The following NDST3 variants were observed in gnomAD, a reference collection of about 807,000 sequenced individuals.
NDST3 encodes N-deacetylase and N-sulfotransferase 3.
In NDST3, 58 loss-of-function variants were observed where a neutral mutation model predicts 96.1. That is an observed-to-expected ratio of 0.60 (90% CI 0.49 to 0.75). NDST3 has a LOEUF of 0.75. Among genes scored for constraint, NDST3 ranks in the 30% least tolerant of loss-of-function variants. NDST3 has a pLI of 0.00. For missense variants in NDST3, 788 were observed against 1,034.2 expected (o/e 0.76, Z 3.27); for synonymous variants, 333 against 359.7 (o/e 0.93, Z 0.84).
intron 12 of NDST3, among the ~76,000 whole-genome samples, chr4:118,242,703 T>C (rs1458929727): frequency 1.6e-4 from 25 of 152,172 alleles, no homozygotes; most frequent in Admixed American, 1.6e-3. Context: ...TGCTTCAGAG[T>C]CCTCAGCAGT....
chr4:118,170,367 G>T (rs62326151), intron 6 of NDST3, among the ~76,000 whole-genome samples: 27,692 of 152,044 alleles, frequency 0.18, 2,660 homozygotes, highest in South Asian at 0.23. Flanking sequence ...TTTAATGGCA[G>T]TGTCTTGATA....
chr4:118,104,924 T>A (rs1730046611), intron 2 of NDST3, 94 bp from the exon 3 acceptor site: 3 of 918,170 alleles, frequency 3.3e-6, no homozygotes, highest in African/African-American at 1.7e-5. Flanking sequence ...TATAAGGAAC[T>A]GGTTTTATCC....
chr4:118,097,889 G>A (rs192187291), intron 2 of NDST3, among the ~76,000 whole-genome samples: 49 of 151,182 alleles, frequency 3.2e-4, no homozygotes, highest in African/African-American at 1.2e-3. Flanking sequence ...TTTCCCTTCT[G>A]TTCTTGACAT....
intron 4 of NDST3, among the ~76,000 whole-genome samples, chr4:118,118,789 T>G (rs924994769): frequency 2.0e-5 from 3 of 152,136 alleles, no homozygotes; most frequent in African/African-American, 7.2e-5. Flanking sequence ...ATTAAATGTA[T>G]CATTAATAAT....
chr4:118,090,718 C>A (rs1304756827), intron 2 of NDST3, among the ~76,000 whole-genome samples: 1 of 151,762 alleles, frequency 6.6e-6, no homozygotes, highest in Non-Finnish European at 1.5e-5. Flanking sequence ...AAAAAAGGAG[C>A]TATTTCTTCT....
intron 4 of NDST3, among the ~76,000 whole-genome samples, chr4:118,130,263 T>G (rs1295808512): frequency 6.6e-6 from 1 of 152,048 alleles, no homozygotes; most frequent in East Asian, 1.9e-4. Flanking sequence ...GTCGTCTCTC[T>G]TTTCTTTTCT....
At chr4:118,133,378 G>A (rs1732798905) in intron 4 of NDST3, among the ~76,000 whole-genome samples, 1 of 151,772 alleles carries the variant, frequency 6.6e-6, no homozygotes, top group African/African-American at 2.4e-5. Flanking sequence ...AAGTCCCCCT[G>A]TCACTGTGCT....
At chr4:118,202,779 C>T (rs1738178238) in intron 6 of NDST3, among the ~76,000 whole-genome samples, 1 of 152,124 alleles carries the variant, frequency 6.6e-6, no homozygotes, top group Non-Finnish European at 1.5e-5. Flanking sequence ...AGTTTGACTT[C>T]CTTTCCTATT....
chr4:118,124,856 A>G (rs1183390818), intron 4 of NDST3, among the ~76,000 whole-genome samples: 3 of 152,072 alleles, frequency 2.0e-5, no homozygotes, highest in African/African-American at 4.8e-5. Context: ...ACTTTTATCC[A>G]AAGACTTTTG....
Position 118,083,480 on chromosome 4 carries a change from A to G in NDST3, c.982-21538A>G, listed in dbSNP as rs186064982. ...AAGTGTTCATTTCTCCATAAATGTT[A>G]ATTTTAATTAGAATTAATTGTCAGT... On this transcript the variant is annotated intron_variant, in intron 2 of 13. Coordinates refer to ENST00000296499, the MANE Select transcript of NDST3 (RefSeq NM_004784.3). Among the ~76,000 whole-genome samples the G allele has an allele frequency of 4.3e-4, 65 of 152,254 alleles. 1 individual carries two copies. Among genetic ancestry groups the G allele is most frequent in the Admixed American group, 4.2e-3 (64 of 15,266 alleles).
intron 6 of NDST3, among the ~76,000 whole-genome samples, chr4:118,193,189 T>C (rs892747514): frequency 1.3e-5 from 2 of 152,020 alleles, no homozygotes; most frequent in Admixed American, 6.5e-5. Context: ...TCATGTGCAA[T>C]GGGGGAAGGG....
intron 1 of NDST3, among the ~76,000 whole-genome samples, chr4:118,043,621 A>G (rs1046416439): frequency 6.6e-6 from 1 of 152,206 alleles, no homozygotes; most frequent in African/African-American, 2.4e-5. Context: ...GCTCAGGTGA[A>G]GTCTGTAACT....
At chr4:118,173,270 G>C (rs1218846375) in intron 6 of NDST3, among the ~76,000 whole-genome samples, 1 of 152,064 alleles carries the variant, frequency 6.6e-6, no homozygotes, top group African/African-American at 2.4e-5. Flanking sequence ...GTTCAAAGAA[G>C]TTGCATAATT....
At chr4:118,233,181 A>C in intron 9 of NDST3, 46 bp downstream of exon 9, 2 of 1,448,720 alleles carry the variant, frequency 1.4e-6, no homozygotes, top group South Asian at 3.0e-5. Context: ...TGTACTGTGC[A>C]CAGTATAAAC....
At chr4:118,143,491 C>CT (rs1285151410) in intron 5 of NDST3, 65 bp from the exon 6 acceptor site, 30 of 1,542,284 alleles carry the variant, frequency 1.9e-5, no homozygotes, top group Non-Finnish European at 2.5e-5. Context: ...GAGCAAAAAG[C>CT]TAAGTTTCAA....
chr4:118,242,285 GA>G lies in NDST3; in HGVS notation c.2399+146del, dbSNP rs373874137. 1,809 of 468,562 alleles carry G rather than the reference GA, an allele frequency of 3.9e-3. 14 individuals carry two copies. Among genetic ancestry groups the G allele is most frequent in the African/African-American group, 0.028 (1,361 of 49,102 alleles). The allele number at this position is 468,562 out of a possible 1,614,324, so 29.0% of individuals were successfully genotyped here. On this transcript the variant is annotated intron_variant, in intron 12 of 13. Transcript: ENST00000296499. ...ATTTTTCAATTTGACATTAACCACG[GA>G]AAAAAAAAACATTTCAACAGTGTGA...
chr4:118,184,612 C>CACACAT (rs1553941363), intron 6 of NDST3, among the ~76,000 whole-genome samples: 1 of 149,722 alleles, frequency 6.7e-6, no homozygotes, highest in Admixed American at 6.7e-5. Flanking sequence ...TACACACACA[C>CACACAT]ACACACACAC....
At chr4:118,041,376 C>T (rs979792111) in intron 1 of NDST3, among the ~76,000 whole-genome samples, 10 of 152,136 alleles carry the variant, frequency 6.6e-5, no homozygotes, top group Non-Finnish European at 1.2e-4. Context: ...TATATCTTCC[C>T]ATATCATATT....
intron 1 of NDST3, among the ~76,000 whole-genome samples, chr4:118,037,859 T>C (rs1480019359): frequency 6.6e-6 from 1 of 152,208 alleles, no homozygotes; most frequent in African/African-American, 2.4e-5. Context: ...TTTATTGATG[T>C]GTCCATAGAA....
Sources: gnomAD v4.1 joint callset for allele counts (sites outside exome capture counted in the v4.1 genomes callset) on GRCh38, gnomAD v4.1.1 for gene constraint, MANE v1.5 for transcripts, NCBI Gene and HGNC (gene_info 2026-07-23, HGNC 2026-07-21) for gene names.